Variants in ADAM15 observed in about 807,000 individuals in gnomAD.
The protein encoded by ADAM15 is ADAM metallopeptidase domain 15, also known as disintegrin and metalloproteinase domain-containing protein 15.
Under a neutral mutation model 113.8 loss-of-function variants are expected in ADAM15, and 77 were observed. That is an observed-to-expected ratio of 0.68 (90% confidence interval 0.56 to 0.82). The LOEUF is 0.82. Among genes scored for constraint, ADAM15 ranks in the 40% least tolerant of loss-of-function variants. ADAM15 has a pLI of 0.00. For synonymous variants in ADAM15, 388 were observed against 454.1 expected (o/e 0.85, Z 1.85); for missense variants, 963 against 1,120.1 (o/e 0.86, Z 2.00).
At chr1:155,060,682 A>G in intron 18 of ADAM15, 81 bp from the exon 19 acceptor site, 1 of 1,469,290 alleles carries the variant, frequency 6.8e-7, no homozygotes, top group Non-Finnish European at 9.5e-7. Flanking sequence ...GCAAAGGGTT[A>G]ACCCCACTCA....
chr1:155,062,312 C>A lies in ADAM15; in HGVS notation c.2492C>A (p.Pro831Gln). 1 of 1,515,474 alleles carries A rather than the reference C, an allele frequency of 6.6e-7. No homozygotes were observed. The highest frequency in any genetic ancestry group is 8.9e-7 in the Non-Finnish European group (1 of 1,128,236). 93.9% of individuals were successfully genotyped at this position (1,515,474 alleles called of 1,614,324 possible). A position where few individuals can be genotyped will look rare whatever the true frequency, so the allele number is the denominator to read the frequency against. ...CCTGCCGACCCCCAGGGCCGGTGCC[C>A]ATCGGGTGACCTGCCCGGCCCAGGG... is the stretch of plus-strand genomic sequence containing the variant. ...PLPADPQGRC[P>Q]SGDLPGPGAG... The change falls in exon 22 of 23, where the codon CCA (proline) becomes CAA (glutamine). Residue 831 changes from proline (P) to glutamine (Q), a missense_variant. By Grantham distance (76) the Pro-to-Gln change is moderately conservative (BLOSUM62 -1). Coordinates refer to ENST00000356955, the MANE Select transcript of ADAM15 (RefSeq NM_207197.3). The surrounding 1 kb of genome is among the most constrained non-coding windows in gnomAD (Gnocchi z 7.0).
chr1:155,058,425 C>A lies in ADAM15; in HGVS notation c.1901C>A (p.Ala634Asp). The A allele has an allele frequency of 5.6e-6, 9 of 1,612,146 alleles. No homozygotes were observed. Among genetic ancestry groups the A allele is most frequent in the Non-Finnish European group, 7.6e-6 (9 of 1,180,000 alleles). Reference protein sequence around the residue: ...AQPLLTLPGTACGPGLVCIDH... With the variant: ...AQPLLTLPGTDCGPGLVCIDH... ...CCCCTCCTGACTCTGCCTGGCACAG[C>A]CTGTGGCCCTGGCCTGGTGAGCAGC... is the stretch of plus-strand genomic sequence containing the variant. Residue 634 changes from alanine (A) to aspartate (D), a missense_variant, in exon 15 of 23, where the codon GCC (alanine) becomes GAC (aspartate). Coordinates refer to ENST00000356955, the MANE Select transcript of ADAM15 (RefSeq NM_207197.3). This position sits in a 1 kb window ranked among gnomAD's most constrained non-coding sequence, Gnocchi z 4.3.
rs778968967 is a variant in ADAM15, at chr1:155,061,416, A to G, written c.2279A>G (p.Gln760Arg). The change falls in exon 20 of 23, where the codon CAG (glutamine) becomes CGG (arginine). Residue 760 changes from glutamine (Q) to arginine (R), a missense_variant and splice_region_variant. By Grantham distance (43) the Gln-to-Arg change is conservative. Transcript: ENST00000356955. ...QRALLARGTK[Q>R]ASALSFPAPP... ...TATCTGCCCCTCCTGCCCTCTCAGC[A>G]GGCTAGTGCTCTCAGCTTCCCGGCC... The G allele has an allele frequency of 1.2e-6, 2 of 1,612,410 alleles. No individual in the cohort carries two copies. Among genetic ancestry groups the G allele is most frequent in the South Asian group, 2.2e-5 (2 of 90,866 alleles).
Position 155,058,847 on chromosome 1 carries a change from C to T in ADAM15, c.1995+60C>T, listed in dbSNP as rs1662153759. ...AGAGCCTCTAGAGAGGAAAAGGATA[C>T]TGGGCTTTGGAAATAGACATATCTG... On this transcript the variant is annotated intron_variant, in intron 16 of 22. Transcript: ENST00000356955. The surrounding 1 kb of genome is among the most constrained non-coding windows in gnomAD (Gnocchi z 4.3). The T allele has an allele frequency of 2.0e-6, 3 of 1,530,678 alleles. No individual in the cohort carries two copies. Among genetic ancestry groups the T allele is most frequent in the African/African-American group, 2.8e-5 (2 of 72,136 alleles). 94.8% of individuals were successfully genotyped at this position (1,530,678 alleles called of 1,614,324 possible). A position where few individuals can be genotyped will look rare whatever the true frequency, so the allele number is the denominator to read the frequency against.
In ADAM15 at chr1:155,058,446, G is replaced by A. The variant is rs1301793204; in HGVS notation, c.1917+5G>A. The A allele has an allele frequency of 1.9e-6, 3 of 1,610,220 alleles. No individual in the cohort carries two copies. The highest frequency in any genetic ancestry group is 2.5e-6 in the Non-Finnish European group (3 of 1,179,970). On this transcript the variant is annotated splice_donor_5th_base_variant and intron_variant, in intron 15 of 22. Coordinates refer to ENST00000356955, the MANE Select transcript of ADAM15 (RefSeq NM_207197.3). The surrounding 1 kb of genome is among the most constrained non-coding windows in gnomAD (Gnocchi z 4.3). ...ACAGCCTGTGGCCCTGGCCTGGTGAGCAGCCTGGGTGGGCAAGACCAGGTG... is the reference window on the plus strand; with the variant it reads ...ACAGCCTGTGGCCCTGGCCTGGTGAACAGCCTGGGTGGGCAAGACCAGGTG...
intron 17 of ADAM15, 49 bp from the exon 18 acceptor site, chr1:155,060,156 T>C: frequency 2.5e-6 from 4 of 1,607,266 alleles, no homozygotes; most frequent in Non-Finnish European, 3.4e-6. Context: ...CCTTCATGGA[T>C]CTAGAGTTCT....
chr1:155,053,203 G>A (rs975295895), intron 2 of ADAM15, among the ~76,000 whole-genome samples: 4 of 148,682 alleles, frequency 2.7e-5, no homozygotes, highest in Non-Finnish European at 4.4e-5. Context: ...GCAGGAAGCC[G>A]AGAAGGGGTG....
chr1:155,062,766 TG>T lies in ADAM15; in HGVS notation c.*267del, dbSNP rs1662821016. 32 of 448,400 alleles carry T rather than the reference TG, an allele frequency of 7.1e-5. No individual in the cohort carries two copies. The South Asian group carries it at 1.1e-3, about 16-fold the overall frequency. The allele number at this position is 448,400 out of a possible 1,614,324, so 27.8% of individuals were successfully genotyped here. On this transcript the variant is annotated 3_prime_UTR_variant, in exon 23 of 23. Transcript: ENST00000356955. The surrounding 1 kb of genome is among the most constrained non-coding windows in gnomAD (Gnocchi z 7.0). ...CTCAGTTGCAATAAACGTGACATCT[TG>T]GGAGCGTTCCCCAGAGTTTGTCTGC...
Position 155,052,667 on chromosome 1 carries a change from G to T in ADAM15, c.80-4G>T, listed in dbSNP as rs1231639351. 7 of 1,601,218 alleles carry T rather than the reference G, an allele frequency of 4.4e-6. No individual in the cohort carries two copies. The highest frequency in any genetic ancestry group is 6.0e-6 in the Non-Finnish European group (7 of 1,174,816). On this transcript the variant is annotated splice_region_variant and splice_polypyrimidine_tract_variant and intron_variant, in intron 1 of 22. Transcript: ENST00000356955. ...ACTGTCTTGGGGTGTCCTGGGACCTGCAGGTGGCACTGAGGAGCAGCAGGC... is the reference window on the plus strand; with the variant it reads ...ACTGTCTTGGGGTGTCCTGGGACCTTCAGGTGGCACTGAGGAGCAGCAGGC...
rs942309361 is a variant in ADAM15 at position 155,052,706 on chromosome 1, G to T, written c.115G>T (p.Ala39Ser). Residue 39 changes from alanine to serine, a missense_variant, in exon 2 of 23, where the codon GCC becomes TCC. Transcript: ENST00000356955. Reference protein sequence around the residue: ...TEEQQAESEKAPREPLEPQVL... With the variant: ...TEEQQAESEKSPREPLEPQVL... ...GGAGCAGCAGGCAGAGTCAGAGAAG[G>T]CCCCGAGGGAGCCCTTGGAGCCCCA... 2.5e-6 allele frequency: 4 copies of T among 1,611,504 alleles called. No individual in the cohort carries two copies. Among genetic ancestry groups the T allele is most frequent in the Admixed American group, 1.7e-5 (1 of 59,732 alleles).
At chr1:155,053,372 T>C (rs757164172) in intron 2 of ADAM15, 45 bp from the exon 3 acceptor site, 3 of 1,576,042 alleles carry the variant, frequency 1.9e-6, no homozygotes, top group Non-Finnish European at 2.6e-6. Flanking sequence ...AGGCTGGGAG[T>C]TGTGGACAGG....
rs533653195 is a variant in ADAM15 at position 155,056,563 on chromosome 1, C to G, written c.999+93C>G. On this transcript the variant is annotated intron_variant, in intron 10 of 22. Coordinates refer to ENST00000356955, the MANE Select transcript of ADAM15 (RefSeq NM_207197.3). This position sits in a 1 kb window ranked among gnomAD's most constrained non-coding sequence, Gnocchi z 4.0. ...ACTGAAACCCCCCTATAAAGTTGCC[C>G]AACCCCAAAGCTACAGGTATAGAGG... The G allele has an allele frequency of 1.5e-6, 2 of 1,302,478 alleles. No individual in the cohort carries two copies. Among genetic ancestry groups the G allele is most frequent in the African/African-American group, 1.4e-5 (1 of 68,980 alleles). 80.7% of individuals were successfully genotyped at this position (1,302,478 alleles called of 1,614,324 possible).
chr1:155,056,431 C>G lies in ADAM15; in HGVS notation c.960C>G (p.Asn320Lys). 1 of 1,614,150 alleles carries G rather than the reference C, an allele frequency of 6.2e-7. No homozygotes were observed. The highest frequency in any genetic ancestry group is 8.5e-7 in the Non-Finnish European group (1 of 1,180,018). Reference protein sequence around the residue: ...SGPTVGMAIQNSICSPDFSGG... With the variant: ...SGPTVGMAIQKSICSPDFSGG... ...CTACGGTGGGCATGGCCATTCAGAA[C>G]TCCATCTGTTCTCCTGACTTCTCAG... The change falls in exon 10 of 23, where the codon AAC (asparagine) becomes AAG (lysine). Residue 320 changes from asparagine (N) to lysine (K), a missense_variant. Transcript: ENST00000356955. The surrounding 1 kb of genome is among the most constrained non-coding windows in gnomAD (Gnocchi z 4.0).
At chr1:155,054,099 C>T (rs761329232) in intron 4 of ADAM15, 51 bp from the exon 5 acceptor site, 9 of 1,613,092 alleles carry the variant, frequency 5.6e-6, no homozygotes, top group South Asian at 5.5e-5. Context: ...TCCTCAGTTC[C>T]AGTCCTGGTG....
At position 155,061,976 on chromosome 1, in the gene ADAM15, G is replaced by A. The variant is rs764106129; in HGVS notation, c.2424+1G>A. On this transcript the variant is annotated splice_donor_variant, in intron 21 of 22. Transcript: ENST00000356955. LOFTEE classifies it high-confidence loss of function. ...TGACCCGGTGGTGAGAAGCCCGAAGGTAACGGTGGGGGGAGAGAAGGGCAC... is the reference window on the plus strand; with the variant it reads ...TGACCCGGTGGTGAGAAGCCCGAAGATAACGGTGGGGGGAGAGAAGGGCAC... The A allele has an allele frequency of 1.2e-5, 19 of 1,582,788 alleles. No homozygotes were observed. The East Asian group carries it at 2.1e-4, about 17-fold the overall frequency.
At chr1:155,051,701 C>T (rs1297533829) in intron 1 of ADAM15, 1 of 420,210 alleles carries the variant, frequency 2.4e-6, no homozygotes, top group Non-Finnish European at 4.3e-6. Context: ...TCTGCGCGGT[C>T]CCTGCGGACA....
Position 155,058,964 on chromosome 1 carries a change from C to T in ADAM15, c.1995+177C>T, listed in dbSNP as rs1305294637. Among the ~76,000 whole-genome samples, 5 of 152,154 alleles carry T rather than the reference C, an allele frequency of 3.3e-5. No homozygotes were observed. On this transcript the variant is annotated intron_variant, in intron 16 of 22. Transcript: ENST00000356955. This position sits in a 1 kb window ranked among gnomAD's most constrained non-coding sequence, Gnocchi z 4.3. ...CTCAGTTTCCCCACCTATCAAATGG[C>T]TATAATAATAGTATCCCCATCCAGG...
In ADAM15 at chr1:155,054,362, G is replaced by T; in HGVS notation, c.468G>T (p.Gly156=). 6.2e-7 allele frequency: 1 copy of T among 1,613,400 alleles called. No homozygotes were observed. Among genetic ancestry groups the T allele is most frequent in the Middle Eastern group, 1.7e-4 (1 of 6,060 alleles). The part of the protein sequence containing the change: ...TPERSYTLEQ[G]PGDLQGPPII... ...AGAGAAGCTATACCCTGGAGCAGGG[G>T]CCTGGGGACCTTCAGGGTCCTCCCA... The change falls in exon 6 of 23, where the codon GGG becomes GGT. Residue 156 remains glycine, a synonymous_variant. Coordinates refer to ENST00000356955, the MANE Select transcript of ADAM15 (RefSeq NM_207197.3).
rs1439056650 is a variant in ADAM15, at chr1:155,057,955, G to A, written c.1521G>A (p.Gly507=). 1 of 1,612,650 alleles carries A rather than the reference G, an allele frequency of 6.2e-7. No individual in the cohort carries two copies. Among genetic ancestry groups the A allele is most frequent in the Non-Finnish European group, 8.5e-7 (1 of 1,180,034 alleles). The change falls in exon 14 of 23, where the codon GGG becomes GGA. Residue 507 remains glycine (G), a synonymous_variant. Transcript: ENST00000356955. The surrounding 1 kb of genome is among the most constrained non-coding windows in gnomAD (Gnocchi z 5.0). ...AGTGTCCCCCTGATGTCAGCCTAGGGGATGGCGAGCCCTGCGCTGGCGGGC... is the reference window on the plus strand; with the variant it reads ...AGTGTCCCCCTGATGTCAGCCTAGGAGATGGCGAGCCCTGCGCTGGCGGGC... ...SSQCPPDVSL[G]DGEPCAGGQA...
Sources: allele counts gnomAD v4.1 joint callset (sites outside exome capture counted in the v4.1 genomes callset), GRCh38; gene constraint gnomAD v4.1.1; non-coding constraint Gnocchi (gnomAD v3.1); transcripts MANE v1.5; gene names NCBI Gene and HGNC (gene_info 2026-07-23, HGNC 2026-07-21).